The following VPS13B variants were observed in gnomAD, a reference collection of about 807,000 sequenced individuals.
The protein encoded by VPS13B is intermembrane lipid transfer protein VPS13B.
A neutral mutation model predicts 426.4 loss-of-function variants in VPS13B; 285 were observed. The ratio of observed to expected loss-of-function variants is 0.67; its 90% confidence interval spans 0.61 to 0.74. The LOEUF is 0.74. VPS13B is among the 30% of genes least tolerant of loss of function. The pLI is 0.00. For synonymous variants in VPS13B, 1,676 were observed against 1,676.4 expected, an observed-to-expected ratio of 1.00 and a Z score of 0.01; for missense variants, 4,537 against 4,782.6, an observed-to-expected ratio of 0.95 and a Z score of 1.51.
intron 44 of VPS13B, among the ~76,000 whole-genome samples, chr8:99,813,388 A>G (rs1163883890): frequency 6.6e-6 from 1 of 152,200 alleles, no homozygotes; most frequent in Non-Finnish European, 1.5e-5. Flanking sequence ...CTGGGGTCCA[A>G]AGGTTCTGAA....
chr8:99,318,503 G>A (rs1406554503), intron 19 of VPS13B, among the ~76,000 whole-genome samples: 1 of 152,028 alleles, frequency 6.6e-6, no homozygotes, highest in Non-Finnish European at 1.5e-5. Flanking sequence ...GTCATTGAGA[G>A]TAACTTACAT....
intron 16 of VPS13B, among the ~76,000 whole-genome samples, chr8:99,177,014 G>A (rs1344170031): frequency 2.0e-5 from 3 of 152,128 alleles, no homozygotes; most frequent in Non-Finnish European, 4.4e-5. Context: ...TTATTGAGGA[G>A]AAAGGATATC....
At chr8:99,719,516 A>T (rs1201919847) in intron 37 of VPS13B, among the ~76,000 whole-genome samples, 1 of 152,172 alleles carries the variant, frequency 6.6e-6, no homozygotes, top group African/African-American at 2.4e-5. Flanking sequence ...ATATGGGGCT[A>T]TTATTTTCTA....
intron 17 of VPS13B, among the ~76,000 whole-genome samples, chr8:99,267,447 CG>C (rs1352013565): frequency 6.6e-6 from 1 of 151,902 alleles, no homozygotes; most frequent in Non-Finnish European, 1.5e-5. Flanking sequence ...AAGAAAAACC[CG>C]GCTGGACACG....
chr8:99,569,952 A>C (rs541432402), intron 31 of VPS13B, among the ~76,000 whole-genome samples: 1 of 152,336 alleles, frequency 6.6e-6, no homozygotes, highest in African/African-American at 2.4e-5. Flanking sequence ...ATATTACTAC[A>C]TGATAGGTAC....
At chr8:99,806,085 C>T (rs572231266) in intron 43 of VPS13B, among the ~76,000 whole-genome samples, 6 of 152,326 alleles carry the variant, frequency 3.9e-5, no homozygotes, top group African/African-American at 1.4e-4. Context: ...GTCTTCCTGC[C>T]TCTCCACGTG....
rs561294924 is a variant in VPS13B at position 99,387,853 on chromosome 8, T to C, written c.2934+3536T>C. 9.9e-5 allele frequency among the ~76,000 whole-genome samples: 15 copies of C among 152,284 alleles called. No individual in the cohort carries two copies. The East Asian group carries it at 2.9e-3, about 29-fold the overall frequency. On this transcript the variant is annotated intron_variant, in intron 20 of 61. Coordinates refer to ENST00000357162, the MANE Select transcript of VPS13B (RefSeq NM_152564.5). ...ATAAATTTGTCAGTATCTAATAAAA[T>C]TGAAAATTAGCCAACTTATAACCCC...
At chr8:99,052,459 A>T (rs1318710594) in intron 3 of VPS13B, among the ~76,000 whole-genome samples, 1 of 102,122 alleles carries the variant, frequency 9.8e-6, no homozygotes, top group Non-Finnish European at 2.1e-5. Flanking sequence ...ATTTTTGCAT[A>T]GATGTTCATC....
intron 37 of VPS13B, 89 bp downstream of exon 37, chr8:99,717,462 G>A (rs996695991): frequency 4.9e-6 from 6 of 1,232,810 alleles, no homozygotes; most frequent in African/African-American, 3.0e-5. Flanking sequence ...TTAAATCTTT[G>A]TGTGGTAAGA....
intron 21 of VPS13B, among the ~76,000 whole-genome samples, chr8:99,418,267 C>T (rs898375388): frequency 6.6e-6 from 1 of 151,116 alleles, no homozygotes; most frequent in Non-Finnish European, 1.5e-5. Flanking sequence ...ATTTTCCATC[C>T]CTCCCTCCTT....
Position 99,875,994 on chromosome 8 carries a change from A to AATG in VPS13B, c.*331_*333dup, listed in dbSNP as rs1354367382. On this transcript the variant is annotated 3_prime_UTR_variant, in exon 62 of 62. Transcript: ENST00000357162. ...ACGTGTTCCTTCCCCACTTAGAGAC[A>AATG]ATGATTAACAGGGCCCTATATGTTC... is the stretch of plus-strand genomic sequence containing the variant. The AATG allele has an allele frequency of 5.5e-6, 2 of 366,730 alleles. No individual in the cohort carries two copies. The highest frequency in any genetic ancestry group is 4.1e-5 in the African/African-American group (2 of 48,198). 22.7% of individuals were successfully genotyped at this position (366,730 alleles called of 1,614,324 possible). A position where few individuals can be genotyped will look rare whatever the true frequency, so the allele number is the denominator to read the frequency against.
chr8:99,462,504 A>G (rs1818894893), intron 23 of VPS13B, among the ~76,000 whole-genome samples: 1 of 152,028 alleles, frequency 6.6e-6, no homozygotes, highest in African/African-American at 2.4e-5. Context: ...TCTTAAATAC[A>G]GGTATTCTTC....
Position 99,078,282 on chromosome 8 carries a change from T to C in VPS13B, c.292-18030T>C, listed in dbSNP as rs113285617. Among the ~76,000 whole-genome samples, 575 of 151,460 alleles carry C rather than the reference T, an allele frequency of 3.8e-3. 6 individuals are homozygous for C. The highest frequency in any genetic ancestry group is 0.012 in the African/African-American group (511 of 41,196). ...TTTGTGCATCTAGTGTACCGTTCAC[T>C]TCTTCTAGTTTTGCGGATTGTCTTT... On this transcript the variant is annotated intron_variant, in intron 3 of 61. Coordinates refer to ENST00000357162, the MANE Select transcript of VPS13B (RefSeq NM_152564.5).
intron 17 of VPS13B, among the ~76,000 whole-genome samples, chr8:99,224,454 G>A (rs1003251930): frequency 6.6e-6 from 1 of 152,102 alleles, no homozygotes; most frequent in African/African-American, 2.4e-5. Flanking sequence ...TTTTAGGAAT[G>A]CACATTTTAG....
At chr8:99,485,647 A>T (rs1004479480) in intron 25 of VPS13B, among the ~76,000 whole-genome samples, 1 of 152,196 alleles carries the variant, frequency 6.6e-6, no homozygotes, top group African/African-American at 2.4e-5. Flanking sequence ...TCTATATTTA[A>T]ATCTGTATAC....
chr8:99,754,657 T>C lies in VPS13B; in HGVS notation c.7051-12117T>C, dbSNP rs147386515. Among the ~76,000 whole-genome samples, 814 of 152,318 alleles carry C rather than the reference T, an allele frequency of 5.3e-3. 5 individuals are homozygous for C. The highest frequency in any genetic ancestry group is 0.018 in the African/African-American group (756 of 41,568). On this transcript the variant is annotated intron_variant, in intron 39 of 61. Transcript: ENST00000357162. Reference sequence around the variant, plus strand: ...CTACTTACTCTCCTCCAGCCATCAGTTTAAAACTCTTTCACCTATGTACTT... The same window carrying C: ...CTACTTACTCTCCTCCAGCCATCAGCTTAAAACTCTTTCACCTATGTACTT...
At chr8:99,536,514 A>T (rs949921731) in intron 30 of VPS13B, 2 of 349,786 alleles carry the variant, frequency 5.7e-6, no homozygotes, top group African/African-American at 4.3e-5. Context: ...TACCATAGTT[A>T]TTTAGTGAAA....
intron 16 of VPS13B, among the ~76,000 whole-genome samples, chr8:99,175,579 C>G (rs1236043957): frequency 2.6e-5 from 4 of 152,052 alleles, no homozygotes; most frequent in African/African-American, 7.2e-5. Context: ...CCCAAGAGTT[C>G]CAGACCCCAT....
chr8:99,233,762 C>CTT, intron 17 of VPS13B: 1 of 779,434 alleles, frequency 1.3e-6, no homozygotes, highest in Non-Finnish European at 2.4e-6. Context: ...CTTCACATTT[C>CTT]TGCCTTCTTT....
Sources: allele counts gnomAD v4.1 joint callset (sites outside exome capture counted in the v4.1 genomes callset), GRCh38; gene constraint gnomAD v4.1.1; transcripts MANE v1.5; gene names NCBI Gene and HGNC (gene_info 2026-07-23, HGNC 2026-07-21).